Variants in RBFOX3 observed in about 807,000 individuals in gnomAD.
RBFOX3 encodes RNA binding fox-1 homolog 3.
A neutral mutation model predicts 48.7 loss-of-function variants in RBFOX3; 17 were observed. That is an observed-to-expected ratio of 0.35 (90% confidence interval 0.24 to 0.52). The LOEUF (loss-of-function observed/expected upper bound fraction) is 0.52. RBFOX3 is among the 20% of genes least tolerant of loss of function. The pLI is 0.94. For missense variants in RBFOX3, 382 were observed against 497.5 expected, an observed-to-expected ratio of 0.77 and a Z score of 2.21; for synonymous variants, 212 against 209.5, an observed-to-expected ratio of 1.01 and a Z score of -0.10.
At chr17:79,394,110 G>A (rs117584997) in intron 2 of RBFOX3, among the ~76,000 whole-genome samples, 11,709 of 151,850 alleles carry the variant, frequency 0.077, 584 homozygotes, top group Non-Finnish European at 0.11. Context: ...TATGCACATC[G>A]TCTGAGCCAA....
At chr17:79,430,309 G>T (rs2068196110) in intron 2 of RBFOX3, among the ~76,000 whole-genome samples, 1 of 97,048 alleles carries the variant, frequency 1.0e-5, no homozygotes, top group Admixed American at 1.0e-4. Context: ...AATAAATAAA[G>T]CAGATAAGAA....
In RBFOX3 at chr17:79,386,746, C is replaced by T. The variant is rs148216815; in HGVS notation, c.-174-78922G>A. ...TCCAGCCCCTCCAGGCTACCCGGCCCCACCCCCTACTCCAAGCAGGACCAC... is the reference window on the plus strand; with the variant it reads ...TCCAGCCCCTCCAGGCTACCCGGCCTCACCCCCTACTCCAAGCAGGACCAC... On this transcript the variant is annotated intron_variant, in intron 2 of 14. Coordinates refer to ENST00000693108, the MANE Select transcript of RBFOX3 (RefSeq NM_001350451.2). Among the ~76,000 whole-genome samples, 437 of 152,306 alleles carry T rather than the reference C, an allele frequency of 2.9e-3. 2 individuals are homozygous for T. Among genetic ancestry groups the T allele is most frequent in the African/African-American group, 9.8e-3 (409 of 41,574 alleles).
chr17:79,138,958 A>C, intron 4 of RBFOX3, among the ~76,000 whole-genome samples: 2 of 87,970 alleles, frequency 2.3e-5, no homozygotes, highest in Non-Finnish European at 4.8e-5. Context: ...TCAGCCCCAC[A>C]CATGCACACA....
intron 4 of RBFOX3, among the ~76,000 whole-genome samples, chr17:79,187,005 T>A (rs1482136369): frequency 6.6e-6 from 1 of 152,232 alleles, no homozygotes; most frequent in Non-Finnish European, 1.5e-5. Flanking sequence ...CCTTGCCAGA[T>A]GCCCTGAATC....
intron 4 of RBFOX3, among the ~76,000 whole-genome samples, chr17:79,116,581 C>T (rs1444009192): frequency 2.6e-5 from 4 of 152,246 alleles, no homozygotes; most frequent in Admixed American, 6.5e-5. Flanking sequence ...CTGCCCAGCC[C>T]GCACCTGGAT....
intron 3 of RBFOX3, among the ~76,000 whole-genome samples, chr17:79,268,601 C>T (rs2067141582): frequency 6.6e-6 from 1 of 152,156 alleles, no homozygotes. Context: ...GACCCCAAGC[C>T]CCTGGCCTGC....
intron 2 of RBFOX3, among the ~76,000 whole-genome samples, chr17:79,331,041 T>A (rs2080205142): frequency 6.6e-6 from 1 of 152,164 alleles, no homozygotes; most frequent in Non-Finnish European, 1.5e-5. Context: ...AAGAAACGTA[T>A]ATCTGCAGCC....
At chr17:79,628,478 G>A in the RBFOX3 span, among the ~76,000 whole-genome samples, 19 of 152,306 alleles carry the variant, frequency 1.2e-4, no homozygotes, top group Admixed American at 3.3e-4. Context: ...CTGCCATGAC[G>A]TGCCCGGGTT....
intron 1 of RBFOX3, among the ~76,000 whole-genome samples, chr17:79,486,752 G>A (rs1199700735): frequency 6.6e-6 from 1 of 152,184 alleles, no homozygotes; most frequent in South Asian, 2.1e-4. Flanking sequence ...AAAGGGTGAG[G>A]GCTGTGCCCT....
At chr17:79,102,140 C>G (rs1207671086) in intron 8 of RBFOX3, among the ~76,000 whole-genome samples, 1 of 152,208 alleles carries the variant, frequency 6.6e-6, no homozygotes, top group Non-Finnish European at 1.5e-5. Context: ...CTGATGGGGC[C>G]CGTGTGCCCC....
intron 4 of RBFOX3, among the ~76,000 whole-genome samples, chr17:79,197,928 G>C (rs560766198): frequency 2.9e-4 from 44 of 152,228 alleles, no homozygotes; most frequent in African/African-American, 9.4e-4. Context: ...CCCGACTCCG[G>C]GCATGGAAGG....
intron 1 of RBFOX3, among the ~76,000 whole-genome samples, chr17:79,513,157 CA>C (rs2084724441): frequency 6.6e-6 from 1 of 151,924 alleles, no homozygotes; most frequent in African/African-American, 2.4e-5. Flanking sequence ...GTCCTATAGC[CA>C]GGGGACATAC....
chr17:79,414,706 A>AC (rs1462134513), intron 2 of RBFOX3, among the ~76,000 whole-genome samples: 1 of 152,132 alleles, frequency 6.6e-6, no homozygotes, highest in Non-Finnish European at 1.5e-5. Flanking sequence ...TAAGCAGCAG[A>AC]CCCCCAAGAG....
At chr17:79,330,049 A>G (rs1356147648) in intron 2 of RBFOX3, among the ~76,000 whole-genome samples, 1 of 152,176 alleles carries the variant, frequency 6.6e-6, no homozygotes, top group Non-Finnish European at 1.5e-5. Context: ...AGAGCTGAAG[A>G]GTTAAGCTGG....
intron 4 of RBFOX3, among the ~76,000 whole-genome samples, chr17:79,196,514 A>T (rs2055618635): frequency 6.6e-6 from 1 of 152,234 alleles, no homozygotes; most frequent in South Asian, 2.1e-4. Context: ...GCTGGCACAT[A>T]GTAGATGTTC....
At chr17:79,269,166 G>A (rs2067241174) in intron 3 of RBFOX3, among the ~76,000 whole-genome samples, 1 of 152,246 alleles carries the variant, frequency 6.6e-6, no homozygotes, top group Non-Finnish European at 1.5e-5. Context: ...TGGGAGGGCT[G>A]AGGCAGAGAT....
chr17:79,225,415 C>T (rs1198680413), intron 4 of RBFOX3, among the ~76,000 whole-genome samples: 2 of 152,106 alleles, frequency 1.3e-5, no homozygotes, highest in East Asian at 1.9e-4. Context: ...CTCAGCCTCC[C>T]GCATAGCTGG....
At chr17:79,340,732 AGT>A (rs1191892658) in intron 2 of RBFOX3, among the ~76,000 whole-genome samples, 2 of 149,092 alleles carry the variant, frequency 1.3e-5, no homozygotes, top group African/African-American at 5.2e-5. Context: ...GAAAAAAAAA[AGT>A]AAGGAAAAGA....
At chr17:79,526,523 C>T (rs1027221343) in intron 1 of RBFOX3, among the ~76,000 whole-genome samples, 8 of 152,340 alleles carry the variant, frequency 5.3e-5, no homozygotes, top group South Asian at 2.1e-4. Context: ...GGTCCCCGGA[C>T]GCACTCTTGG....
Sources: gnomAD v4.1 joint callset for allele counts (sites outside exome capture counted in the v4.1 genomes callset) on GRCh38, gnomAD v4.1.1 for gene constraint, MANE v1.5 for transcripts, NCBI Gene and HGNC (gene_info 2026-07-23, HGNC 2026-07-21) for gene names.